FAM20A: variants seen among roughly 807,000 people sequenced by gnomAD.
FAM20A encodes the protein pseudokinase FAM20A.
A neutral mutation model predicts 52.0 loss-of-function variants in FAM20A; 42 were observed. The observed-to-expected ratio is 0.81, with a 90% CI of 0.63 to 1.04. The LOEUF is 1.04. Among genes scored for constraint, FAM20A ranks in the 50% least tolerant of loss-of-function variants. The pLI is 0.00. For synonymous variants in FAM20A, 304 were observed against 298.9 expected (o/e 1.02, Z -0.18); for missense variants, 742 against 712.7 (o/e 1.04, Z -0.47).
rs2086086047 is a variant in FAM20A at position 68,535,956 on chromosome 17, C to T, written c.*1521G>A. 1 of 454,048 alleles carries T rather than the reference C, an allele frequency of 2.2e-6. No homozygotes were observed. Among genetic ancestry groups the T allele is most frequent in the Non-Finnish European group, 4.4e-6 (1 of 226,776 alleles). The allele number at this position is 454,048 out of a possible 1,614,324, so 28.1% of individuals were successfully genotyped here. On this transcript the variant is annotated 3_prime_UTR_variant, in exon 11 of 11. Coordinates refer to ENST00000592554, the MANE Select transcript of FAM20A (RefSeq NM_017565.4). ...CTCTCTCTGAGATTTAAAGTTCTTC[C>T]ATGCACATTGGAGGATGGGGGTTGT...
At position 68,535,183 on chromosome 17, in the gene FAM20A, GAGTA is replaced by G. The variant is rs1212900988; in HGVS notation, c.*2290_*2293del. On this transcript the variant is annotated 3_prime_UTR_variant, in exon 11 of 11. Coordinates refer to ENST00000592554, the MANE Select transcript of FAM20A (RefSeq NM_017565.4). ...CAAAATGAACATGCTGGAAGAACTC[GAGTA>G]AGAATGAAACGGTTGGTTTTCTGAT... 5 of 435,586 alleles carry G rather than the reference GAGTA, an allele frequency of 1.1e-5. No individual in the cohort carries two copies. The highest frequency in any genetic ancestry group is 1.0e-4 in the African/African-American group (5 of 49,322). 27.0% of individuals were successfully genotyped at this position (435,586 alleles called of 1,614,324 possible). A position where few individuals can be genotyped will look rare whatever the true frequency, so the allele number is the denominator to read the frequency against.
chr17:68,546,872 G>C (rs1284939687), intron 4 of FAM20A, among the ~76,000 whole-genome samples: 1 of 150,008 alleles, frequency 6.7e-6, no homozygotes, highest in Non-Finnish European at 1.5e-5. Context: ...AAGTTAGAAT[G>C]ACTCCTTGAT....
chr17:68,574,819 T>C (rs903450031), intron 1 of FAM20A, among the ~76,000 whole-genome samples: 8 of 152,198 alleles, frequency 5.3e-5, no homozygotes, highest in African/African-American at 1.4e-4. Context: ...ATCTCTGGGC[T>C]TGTACATACC....
rs1205368098 is a variant in FAM20A, at chr17:68,535,526, GTTC to G, written c.*1948_*1950del. ...TCCCATTTCTGTGTGTGATCTCCTG[GTTC>G]TTCATCCACAGGGAAGAAACATCTT... is the stretch of plus-strand genomic sequence containing the variant. On this transcript the variant is annotated 3_prime_UTR_variant, in exon 11 of 11. Transcript: ENST00000592554. 2.2e-6 allele frequency: 1 copy of G among 453,986 alleles called. No homozygotes were observed. 28.1% of individuals were successfully genotyped at this position (453,986 alleles called of 1,614,324 possible).
At chr17:68,566,508 C>T (rs35166000) in intron 1 of FAM20A, among the ~76,000 whole-genome samples, 31,584 of 152,100 alleles carry the variant, frequency 0.21, 4,113 homozygotes, top group Admixed American at 0.36. Context: ...GAGTATTTCG[C>T]TCCAAGTTGT....
chr17:68,561,930 C>T (rs1336636534), intron 1 of FAM20A, among the ~76,000 whole-genome samples: 1 of 152,178 alleles, frequency 6.6e-6, no homozygotes, highest in African/African-American at 2.4e-5. Context: ...TCAAGCAATT[C>T]TCCTGCCTCA....
intron 1 of FAM20A, among the ~76,000 whole-genome samples, chr17:68,591,273 G>C (rs1357628803): frequency 6.6e-6 from 1 of 152,102 alleles, no homozygotes; most frequent in African/African-American, 2.4e-5. Context: ...TAATTTTTTT[G>C]TATTTTTAGT....
intron 1 of FAM20A, among the ~76,000 whole-genome samples, chr17:68,556,753 T>A (rs1240082075): frequency 6.6e-6 from 1 of 151,902 alleles, no homozygotes; most frequent in Non-Finnish European, 1.5e-5. Flanking sequence ...GAAGGCAAAT[T>A]AGTATGATGT....
Position 68,542,035 on chromosome 17 carries a change from C to G in FAM20A, c.1059G>C (p.Leu353=). 6.2e-7 allele frequency: 1 copy of G among 1,614,100 alleles called. No individual in the cohort carries two copies. The highest frequency in any genetic ancestry group is 8.5e-7 in the Non-Finnish European group (1 of 1,179,990). The part of the protein sequence containing the change: ...FLPSLNLAPR[L]SVPNPWIRSY... ...AGCGGATCCAGGGGTTGGGCACAGACAGCCTGGGGGCCAGGTTGAGGGACG... is the reference window on the plus strand; with the variant it reads ...AGCGGATCCAGGGGTTGGGCACAGAGAGCCTGGGGGCCAGGTTGAGGGACG... The change falls in exon 7 of 11, where the codon CTG becomes CTC. Residue 353 remains leucine (L), a synonymous_variant. Transcript: ENST00000592554.
chr17:68,539,393 G>A lies in FAM20A; in HGVS notation c.1305C>T (p.Phe435=), dbSNP rs570497434. The stretch of plus-strand genomic sequence containing the variant: ...AGATTTCATCATGGGAGTGTCGTCC[G>A]AACCTAGGAGGAGAAACAGGCTTTT... ...FLIHLDNARG[F]GRHSHDEISI... Residue 435 remains phenylalanine, a synonymous_variant, in exon 10 of 11, where the codon TTC becomes TTT. Coordinates refer to ENST00000592554, the MANE Select transcript of FAM20A (RefSeq NM_017565.4). The A allele has an allele frequency of 8.1e-6, 13 of 1,613,990 alleles. No individual in the cohort carries two copies. Among genetic ancestry groups the A allele is most frequent in the Middle Eastern group, 1.6e-4 (1 of 6,080 alleles).
chr17:68,567,416 C>G (rs1394075548), intron 1 of FAM20A, among the ~76,000 whole-genome samples: 7 of 151,966 alleles, frequency 4.6e-5, no homozygotes, highest in Non-Finnish European at 8.8e-5. Flanking sequence ...TTGATTGTCT[C>G]TCTAAGCCTG....
intron 1 of FAM20A, among the ~76,000 whole-genome samples, chr17:68,589,314 T>C (rs776842225): frequency 1.4e-4 from 21 of 152,244 alleles, no homozygotes; most frequent in Admixed American, 3.9e-4. Context: ...GTAAGTCCAG[T>C]AGAGACCAGA....
rs12603521 is a variant in FAM20A at position 68,566,603 on chromosome 17, C to T, written c.405-10860G>A. On this transcript the variant is annotated intron_variant, in intron 1 of 10. Coordinates refer to ENST00000592554, the MANE Select transcript of FAM20A (RefSeq NM_017565.4). The stretch of plus-strand genomic sequence containing the variant: ...GGTCAAAGAGGGAAAACAGCAAAAG[C>T]GTTAGTCAGGATTAGACACTTCTCT... 9.5e-3 allele frequency among the ~76,000 whole-genome samples: 1,444 copies of T among 152,258 alleles called. 103 individuals carry two copies. In the South Asian group the frequency reaches 0.15, roughly 16 times the overall value.
chr17:68,582,082 A>G (rs3815357), intron 1 of FAM20A, among the ~76,000 whole-genome samples: 27,385 of 152,144 alleles, frequency 0.18, 2,730 homozygotes, highest in East Asian at 0.28. Context: ...CACGGTTTGA[A>G]GGGAAGGTCT....
At chr17:68,564,990 G>A (rs2087335832) in intron 1 of FAM20A, among the ~76,000 whole-genome samples, 2 of 152,076 alleles carry the variant, frequency 1.3e-5, no homozygotes, top group South Asian at 4.1e-4. Flanking sequence ...TAACCACACG[G>A]CTTCAGGTCT....
intron 3 of FAM20A, among the ~76,000 whole-genome samples, chr17:68,552,943 A>G (rs1395449676): frequency 6.9e-6 from 1 of 144,406 alleles, no homozygotes; most frequent in East Asian, 1.9e-4. Flanking sequence ...GGCCTCCCAA[A>G]GTGCTGGGAT....
At chr17:68,548,725 A>G (rs72844608) in intron 4 of FAM20A, among the ~76,000 whole-genome samples, 1 of 79,158 alleles carries the variant, frequency 1.3e-5, no homozygotes, top group Non-Finnish European at 2.3e-5. Context: ...ATGCCTGTAT[A>G]TTTTTTTTTT....
intron 1 of FAM20A, among the ~76,000 whole-genome samples, chr17:68,578,618 A>G (rs892659742): frequency 2.0e-5 from 3 of 152,022 alleles, no homozygotes; most frequent in African/African-American, 7.3e-5. Context: ...TCCTTGCCTC[A>G]GAGTGTTTTT....
chr17:68,552,698 G>A lies in FAM20A; in HGVS notation c.641-747C>T, dbSNP rs1310580100. 1.0e-3 allele frequency among the ~76,000 whole-genome samples: 72 copies of A among 70,476 alleles called. 5 individuals are homozygous for A. Among genetic ancestry groups the A allele is most frequent in the African/African-American group, 4.1e-3 (67 of 16,400 alleles). The allele number at this position is 70,476 out of a possible 152,430, so 46.2% of individuals were successfully genotyped here. On this transcript the variant is annotated intron_variant, in intron 3 of 10. Coordinates refer to ENST00000592554, the MANE Select transcript of FAM20A (RefSeq NM_017565.4). ...TTTTTTTTTTTTTTTTTTTTGAGACGGAGTCTCGCTCTGTCGCCCAGGCCG... is the reference window on the plus strand; with the variant it reads ...TTTTTTTTTTTTTTTTTTTTGAGACAGAGTCTCGCTCTGTCGCCCAGGCCG...
Sources: gnomAD v4.1 joint callset for allele counts (sites outside exome capture counted in the v4.1 genomes callset) on GRCh38, gnomAD v4.1.1 for gene constraint, MANE v1.5 for transcripts, NCBI Gene and HGNC (gene_info 2026-07-23, HGNC 2026-07-21) for gene names.